The following PRSS3 variants were observed in gnomAD, a reference collection of about 807,000 sequenced individuals.
The protein encoded by PRSS3 is serine protease 3.
In PRSS3, 14 loss-of-function variants were observed where a neutral mutation model predicts 20.8. The observed-to-expected ratio is 0.67, with a 90% CI of 0.44 to 1.05. The LOEUF (loss-of-function observed/expected upper bound fraction) is 1.05. PRSS3 is among the 50% of genes least tolerant of loss of function. The pLI, the probability that PRSS3 is intolerant of heterozygous loss-of-function variation, is 0.00. For synonymous variants in PRSS3, 91 were observed against 117.6 expected (o/e 0.77, Z 1.46); for missense variants, 237 against 306.4 (o/e 0.77, Z 1.69).
upstream of PRSS3, among the ~76,000 whole-genome samples, chr9:33,792,700 A>T (rs1490951269): frequency 2.0e-5 from 3 of 152,212 alleles, no homozygotes; most frequent in Non-Finnish European, 4.4e-5. Context: ...AAGCTCATTT[A>T]ATCACCTGGA....
chr9:33,782,687 A>C (rs1212584394), intron 1 of PRSS3, among the ~76,000 whole-genome samples: 1 of 152,214 alleles, frequency 6.6e-6, no homozygotes, highest in African/African-American at 2.4e-5. Flanking sequence ...AACCATCCAC[A>C]TACCCACTCA....
chr9:33,769,925 GGAAGCT>G (rs1823610050), intron 1 of PRSS3, among the ~76,000 whole-genome samples: 1 of 152,244 alleles, frequency 6.6e-6, no homozygotes, highest in African/African-American at 2.4e-5. Context: ...CAACACTTTG[GGAAGCT>G]GAGGCAGGTG....
chr9:33,760,363 T>A (rs1351558732), intron 1 of PRSS3, among the ~76,000 whole-genome samples: 2 of 152,088 alleles, frequency 1.3e-5, no homozygotes, highest in Non-Finnish European at 2.9e-5. Flanking sequence ...TGCATTTCGT[T>A]TTTATGATGT....
chr9:33,783,458 T>G (rs1824259789), intron 1 of PRSS3, among the ~76,000 whole-genome samples: 3 of 152,166 alleles, frequency 2.0e-5, no homozygotes, highest in African/African-American at 7.2e-5. Context: ...GATGGATTGA[T>G]GGATGAATAG....
chr9:33,751,120 C>T (rs1267133831), intron 1 of PRSS3, among the ~76,000 whole-genome samples: 1 of 152,230 alleles, frequency 6.6e-6, no homozygotes, highest in Non-Finnish European at 1.5e-5. Flanking sequence ...TGTGAAGCCC[C>T]GGGCCTCCGT....
chr9:33,783,775 A>C (rs1254387339), intron 1 of PRSS3, among the ~76,000 whole-genome samples: 1 of 151,986 alleles, frequency 6.6e-6, no homozygotes. Context: ...CTGTAGTCCC[A>C]GCTACTTGGG....
intron 3 of PRSS3, 126 bp downstream of exon 3, chr9:33,798,208 G>A: frequency 1.3e-6 from 2 of 1,535,818 alleles, no homozygotes; most frequent in Non-Finnish European, 1.8e-6. Flanking sequence ...ATTACACACA[G>A]TCTCTGCACT....
At chr9:33,781,653 G>A (rs1824190967) in intron 1 of PRSS3, among the ~76,000 whole-genome samples, 1 of 152,094 alleles carries the variant, frequency 6.6e-6, no homozygotes, top group Non-Finnish European at 1.5e-5. Context: ...AAATAAAAGT[G>A]GGAATTTTAA....
chr9:33,761,495 T>C (rs1242717627), intron 1 of PRSS3, among the ~76,000 whole-genome samples: 1 of 151,958 alleles, frequency 6.6e-6, no homozygotes, highest in African/African-American at 2.4e-5. Flanking sequence ...TCATGTGAGG[T>C]TGGGAGTTCG....
In PRSS3 at chr9:33,750,892, A is replaced by G. The variant is rs1822661308; in HGVS notation, c.-53+165A>G. 1.5e-6 allele frequency: 2 copies of G among 1,355,808 alleles called. No individual in the cohort carries two copies. Among genetic ancestry groups the G allele is most frequent in the Non-Finnish European group, 9.5e-7 (1 of 1,058,110 alleles). 84.0% of individuals were successfully genotyped at this position (1,355,808 alleles called of 1,614,324 possible). ...AGGGGATACCGACTGGGAGGGGCTC[A>G]GGGACAGGGATGGAGGCTCCTCTAG... is the stretch of plus-strand genomic sequence containing the variant. On this transcript the variant is annotated intron_variant, in intron 1 of 5. Coordinates refer to the PRSS3 transcript ENST00000342836. The surrounding 1 kb of genome is among the most constrained non-coding windows in gnomAD (Gnocchi z 4.8).
At chr9:33,769,677 TG>T (rs1443881914) in intron 1 of PRSS3, among the ~76,000 whole-genome samples, 15 of 152,320 alleles carry the variant, frequency 9.8e-5, no homozygotes, top group Non-Finnish European at 1.0e-4. Context: ...ACTGCCACCT[TG>T]GGCCCAGGGC....
At chr9:33,796,573 A>C in intron 1 of PRSS3, 70 bp from the exon 2 acceptor site, 1 of 1,593,494 alleles carries the variant, frequency 6.3e-7, no homozygotes, top group South Asian at 1.1e-5. Flanking sequence ...GGCAGGAAGC[A>C]ACCGCAGGCT....
Position 33,795,670 on chromosome 9 carries a change from C to T in PRSS3, c.40+57C>T, listed in dbSNP as rs1036856604. 5 of 1,579,776 alleles carry T rather than the reference C, an allele frequency of 3.2e-6. No individual in the cohort carries two copies. In the African/African-American group the frequency reaches 5.4e-5, roughly 17 times the overall value. ...CACCCCCTTTCCTGGCAGACACATG[C>T]CCTGCCATTCTTGCCACCTCTCCTC... On this transcript the variant is annotated intron_variant, in intron 1 of 4. Coordinates refer to ENST00000379405, the MANE Select transcript of PRSS3 (RefSeq NM_002771.4).
chr9:33,758,590 A>G (rs116355846), intron 1 of PRSS3, among the ~76,000 whole-genome samples: 106 of 152,238 alleles, frequency 7.0e-4, no homozygotes, highest in African/African-American at 2.5e-3. Context: ...AATGAAAATC[A>G]TTTTTCCAGA....
chr9:33,791,166 T>C (rs2005617), upstream of PRSS3, among the ~76,000 whole-genome samples: 90,326 of 152,102 alleles, frequency 0.59, 27,186 homozygotes, highest in East Asian at 0.81. Context: ...GGTACACATG[T>C]CATGTGCCAA....
At chr9:33,774,154 G>A (rs1259684063) in intron 1 of PRSS3, among the ~76,000 whole-genome samples, 2 of 152,108 alleles carry the variant, frequency 1.3e-5, no homozygotes, top group Non-Finnish European at 2.9e-5. Flanking sequence ...TTATTTAGAA[G>A]TCCAAATTTT....
chr9:33,765,879 C>A (rs1823390445), intron 1 of PRSS3, among the ~76,000 whole-genome samples: 1 of 152,124 alleles, frequency 6.6e-6, no homozygotes. Context: ...TTGTTCACAG[C>A]ATCATTATTC....
chr9:33,776,321 T>C (rs747282271), intron 1 of PRSS3, among the ~76,000 whole-genome samples: 1 of 152,080 alleles, frequency 6.6e-6, no homozygotes, highest in Non-Finnish European at 1.5e-5. Flanking sequence ...CCCACATACA[T>C]GTAATGGGAG....
At chr9:33,783,139 A>G (rs1270029048) in intron 1 of PRSS3, among the ~76,000 whole-genome samples, 1 of 152,264 alleles carries the variant, frequency 6.6e-6, no homozygotes, top group Non-Finnish European at 1.5e-5. Context: ...ATGTTATTCC[A>G]TTTATAGAAA....
Sources: allele counts gnomAD v4.1 joint callset (sites outside exome capture counted in the v4.1 genomes callset), GRCh38; gene constraint gnomAD v4.1.1; non-coding constraint Gnocchi (gnomAD v3.1); transcripts MANE v1.5; gene names NCBI Gene and HGNC (gene_info 2026-07-23, HGNC 2026-07-21).